The following SHQ1 variants were observed in gnomAD, a reference collection of about 807,000 sequenced individuals.
SHQ1 encodes the protein SHQ1, H/ACA ribonucleoprotein assembly factor.
In SHQ1, 49 loss-of-function variants were observed where a neutral mutation model predicts 53.8. The observed-to-expected ratio is 0.91, with a 90% confidence interval of 0.72 to 1.16. The LOEUF (loss-of-function observed/expected upper bound fraction) is 1.16, where lower values mean the gene tolerates loss of function less well. Ranked by LOEUF, SHQ1 falls within the 50% of genes most tolerant of loss-of-function variation. The pLI is 0.00. For synonymous variants in SHQ1, 243 were observed against 251.0 expected (o/e 0.97, Z 0.30); for missense variants, 738 against 683.1 (o/e 1.08, Z -0.90).
Position 72,772,627 on chromosome 3 carries a change from G to A in SHQ1, c.1181+20289C>T. On this transcript the variant is annotated intron_variant, in intron 10 of 10. Coordinates refer to ENST00000325599, the MANE Select transcript of SHQ1 (RefSeq NM_018130.3). ...TTTCTTAGGACTTGCATATATTATTGTACAAAAGGAAACAGAAGATGTACT... is the reference window on the plus strand; with the variant it reads ...TTTCTTAGGACTTGCATATATTATTATACAAAAGGAAACAGAAGATGTACT... The A allele has an allele frequency of 4.3e-6, 3 of 704,358 alleles. No homozygotes were observed. In the Admixed American group the frequency reaches 6.0e-5, roughly 14 times the overall value. 43.6% of individuals were successfully genotyped at this position (704,358 alleles called of 1,614,324 possible). A position where few individuals can be genotyped will look rare whatever the true frequency, so the allele number is the denominator to read the frequency against.
intron 10 of SHQ1, among the ~76,000 whole-genome samples, chr3:72,766,873 C>T (rs1171351924): frequency 6.6e-6 from 1 of 152,124 alleles, no homozygotes; most frequent in Non-Finnish European, 1.5e-5. Context: ...ATGATGGAAA[C>T]GTGCTGTCCA....
rs150020633 is a variant in SHQ1 at position 72,796,728 on chromosome 3, G to C, written c.1061-3692C>G. 2.0e-5 allele frequency among the ~76,000 whole-genome samples: 3 copies of C among 152,062 alleles called. No individual in the cohort carries two copies. In the East Asian group the frequency reaches 5.8e-4, roughly 30 times the overall value. The stretch of plus-strand genomic sequence containing the variant: ...CCTGCTACTCGGGAGGCTGAGGCAG[G>C]AGAATCGCTTGAACCCAGGAGGTGG... On this transcript the variant is annotated intron_variant, in intron 9 of 10. Coordinates refer to ENST00000325599, the MANE Select transcript of SHQ1 (RefSeq NM_018130.3).
At chr3:72,841,841 A>G (rs1480744439) in intron 3 of SHQ1, among the ~76,000 whole-genome samples, 1 of 152,160 alleles carries the variant, frequency 6.6e-6, no homozygotes, top group East Asian at 1.9e-4. Flanking sequence ...TCATGCTCCT[A>G]TGAGAATCTA....
chr3:72,820,258 A>G (rs753218521), intron 6 of SHQ1, among the ~76,000 whole-genome samples: 4 of 152,234 alleles, frequency 2.6e-5, no homozygotes, highest in Non-Finnish European at 5.9e-5. Flanking sequence ...AAGTATTTCT[A>G]CATTAGTCAT....
chr3:72,826,016 C>G (rs1171361664), intron 5 of SHQ1, among the ~76,000 whole-genome samples: 1 of 152,138 alleles, frequency 6.6e-6, no homozygotes, highest in Non-Finnish European at 1.5e-5. Flanking sequence ...AAGGTAGAAA[C>G]TGAGGCTCAG....
At chr3:72,733,848 T>C in the SHQ1 span, among the ~76,000 whole-genome samples, 1 of 151,550 alleles carries the variant, frequency 6.6e-6, no homozygotes, top group Non-Finnish European at 1.5e-5. Flanking sequence ...CGTGGTGCAC[T>C]TAGGCAAGGG....
chr3:72,846,615 A>T (rs922994462), intron 1 of SHQ1, among the ~76,000 whole-genome samples: 1 of 152,126 alleles, frequency 6.6e-6, no homozygotes, highest in Non-Finnish European at 1.5e-5. Flanking sequence ...GTATTATCAA[A>T]GAATGCCCAT....
downstream of SHQ1, among the ~76,000 whole-genome samples, chr3:72,744,299 C>A (rs192188216): frequency 3.1e-3 from 470 of 152,320 alleles, 1 homozygote; most frequent in Non-Finnish European, 5.5e-3. Flanking sequence ...ACTATGAACA[C>A]TTAAAATATG....
chr3:72,839,919 C>T (rs1007072786), intron 4 of SHQ1, among the ~76,000 whole-genome samples: 3 of 151,852 alleles, frequency 2.0e-5, no homozygotes, highest in Non-Finnish European at 2.9e-5. Flanking sequence ...TGCCACCATG[C>T]CTGGCTAATT....
intron 5 of SHQ1, among the ~76,000 whole-genome samples, chr3:72,831,018 T>C (rs573257882): frequency 3.3e-5 from 5 of 152,336 alleles, no homozygotes; most frequent in African/African-American, 2.4e-5. Flanking sequence ...CCTGAGAAAT[T>C]TGCTGACAAT....
At chr3:72,843,588 C>T (rs1292443352) in intron 2 of SHQ1, among the ~76,000 whole-genome samples, 1 of 152,232 alleles carries the variant, frequency 6.6e-6, no homozygotes, top group Non-Finnish European at 1.5e-5. Flanking sequence ...CACAATCTTC[C>T]TTAACTCCTG....
At chr3:72,742,874 G>C in the SHQ1 span, among the ~76,000 whole-genome samples, 1 of 152,106 alleles carries the variant, frequency 6.6e-6, no homozygotes, top group African/African-American at 2.4e-5. Context: ...CCTCGGCTTC[G>C]ATCCACCTGC....
chr3:72,772,560 G>C, intron 10 of SHQ1: 1 of 685,778 alleles, frequency 1.5e-6, no homozygotes, highest in Non-Finnish European at 2.8e-6. Context: ...GGGAAGATTG[G>C]GCAATTTATC....
intron 9 of SHQ1, among the ~76,000 whole-genome samples, chr3:72,798,835 T>C (rs975946772): frequency 6.6e-6 from 1 of 152,230 alleles, no homozygotes; most frequent in Non-Finnish European, 1.5e-5. Context: ...ACAATGTAAG[T>C]TGCTAATTCT....
At chr3:72,729,890 T>A in the SHQ1 span, among the ~76,000 whole-genome samples, 1 of 152,238 alleles carries the variant, frequency 6.6e-6, no homozygotes, top group Non-Finnish European at 1.5e-5. Context: ...CGATCTCGTC[T>A]CACTGCAGGC....
chr3:72,827,997 C>T (rs1391567439), intron 5 of SHQ1, among the ~76,000 whole-genome samples: 1 of 151,832 alleles, frequency 6.6e-6, no homozygotes, highest in African/African-American at 2.4e-5. Flanking sequence ...CCTCATGACC[C>T]ACCCCCTCAG....
intron 5 of SHQ1, among the ~76,000 whole-genome samples, chr3:72,826,846 T>C (rs959279546): frequency 2.6e-5 from 4 of 152,216 alleles, no homozygotes; most frequent in African/African-American, 9.6e-5. Flanking sequence ...AACCACCTTG[T>C]AAGCCATGTT....
the SHQ1 span, among the ~76,000 whole-genome samples, chr3:72,741,073 G>A: frequency 1.3e-5 from 2 of 152,224 alleles, no homozygotes; most frequent in African/African-American, 4.8e-5. Context: ...CACTGTATGT[G>A]GAGGGGACTG....
At position 72,750,082 on chromosome 3, in the gene SHQ1, T is replaced by G. The variant is rs189118674; in HGVS notation, c.*202A>C. On this transcript the variant is annotated 3_prime_UTR_variant, in exon 11 of 11. Transcript: ENST00000325599. ...TTAGAGAATAATAACAAGAAAAAAGTCTGTACATGTTTGGTACAGATGCGA... is the reference window on the plus strand; with the variant it reads ...TTAGAGAATAATAACAAGAAAAAAGGCTGTACATGTTTGGTACAGATGCGA... 7.2e-5 allele frequency: 40 copies of G among 559,336 alleles called. 1 individual carries two copies. The East Asian group carries it at 9.7e-4, about 14-fold the overall frequency. The allele number at this position is 559,336 out of a possible 1,614,324, so 34.6% of individuals were successfully genotyped here.
Sources: allele counts gnomAD v4.1 joint callset (sites outside exome capture counted in the v4.1 genomes callset), GRCh38; gene constraint gnomAD v4.1.1; transcripts MANE v1.5; gene names NCBI Gene and HGNC (gene_info 2026-07-23, HGNC 2026-07-21).